FAM151B: variants seen among roughly 807,000 people sequenced by gnomAD.
FAM151B encodes protein FAM151B.
FAM151B carries 24 observed loss-of-function variants against 31.2 expected under a neutral mutation model. The observed-to-expected ratio is 0.77, with a 90% CI of 0.56 to 1.08. FAM151B has a LOEUF of 1.08. FAM151B is among the 50% of genes least tolerant of loss of function. The probability of loss-of-function intolerance (pLI) is 0.00; values close to 1 mark genes in which losing one functional copy is unlikely to be tolerated. For missense variants in FAM151B, 293 were observed against 328.6 expected (o/e 0.89, Z 0.84); for synonymous variants, 105 against 111.4 (o/e 0.94, Z 0.36).
intron 5 of FAM151B, among the ~76,000 whole-genome samples, chr5:80,532,751 C>G (rs1166749674): frequency 2.0e-5 from 3 of 152,142 alleles, no homozygotes; most frequent in Non-Finnish European, 4.4e-5. Context: ...TATATTAGAT[C>G]ACAAAACAAG....
intron 1 of FAM151B, among the ~76,000 whole-genome samples, chr5:80,496,799 ATTTTTTTTTTT>A (rs367658683): frequency 3.8e-4 from 22 of 57,736 alleles, no homozygotes; most frequent in African/African-American, 1.2e-3. Context: ...TTTTTGCTTA[ATTTTTTTTTTT>A]TTTTTTTTTT....
chr5:80,501,372 G>T (rs1580416347), intron 1 of FAM151B: 1 of 1,229,028 alleles, frequency 8.1e-7, no homozygotes, highest in East Asian at 3.1e-5. Context: ...GGGAGGACCA[G>T]ATCAACAGGC....
intron 5 of FAM151B, among the ~76,000 whole-genome samples, chr5:80,534,852 G>T (rs1745419610): frequency 6.6e-6 from 1 of 151,988 alleles, no homozygotes; most frequent in Non-Finnish European, 1.5e-5. Context: ...CTTATATTTG[G>T]AAAAACCTAA....
chr5:80,539,781 C>T (rs767966098), intron 5 of FAM151B, among the ~76,000 whole-genome samples: 2 of 150,430 alleles, frequency 1.3e-5, no homozygotes, highest in Non-Finnish European at 2.9e-5. Context: ...CATGAGCCAC[C>T]GTGCCCTGCC....
chr5:80,507,598 T>C (rs1235951878), intron 2 of FAM151B, among the ~76,000 whole-genome samples: 1 of 152,178 alleles, frequency 6.6e-6, no homozygotes, highest in African/African-American at 2.4e-5. Flanking sequence ...GGAGAATTGC[T>C]TGAACCCAGG....
In FAM151B at chr5:80,534,522, T is replaced by C. The variant is rs534497504; in HGVS notation, c.672-7151T>C. 4.6e-5 allele frequency among the ~76,000 whole-genome samples: 7 copies of C among 152,324 alleles called. No individual in the cohort carries two copies. The South Asian group carries it at 6.2e-4, about 14-fold the overall frequency. ...GACAAAAACCATATGATCATTTCAA[T>C]TGATGCTGAAAAAACATTGGGTAAA... On this transcript the variant is annotated intron_variant, in intron 5 of 5. Transcript: ENST00000282226.
At chr5:80,504,139 A>G (rs1437559683) in intron 2 of FAM151B, among the ~76,000 whole-genome samples, 2 of 152,130 alleles carry the variant, frequency 1.3e-5, no homozygotes, top group African/African-American at 4.8e-5. Context: ...TCTTGACTAT[A>G]TTTACTAACC....
intron 3 of FAM151B, 136 bp from the exon 4 acceptor site, chr5:80,519,557 A>G (rs960293985): frequency 2.8e-6 from 2 of 710,318 alleles, no homozygotes; most frequent in Non-Finnish European, 4.6e-6. Flanking sequence ...GTGCTATGCG[A>G]TCTTTGATTT....
intron 2 of FAM151B, among the ~76,000 whole-genome samples, chr5:80,511,501 C>T (rs74734473): frequency 0.017 from 2,535 of 150,958 alleles, 74 homozygotes; most frequent in African/African-American, 0.057. Flanking sequence ...GCAGGTTGGC[C>T]ACCTCTTATG....
chr5:80,531,379 G>A (rs1319599464), intron 5 of FAM151B, among the ~76,000 whole-genome samples: 1 of 152,182 alleles, frequency 6.6e-6, no homozygotes, highest in South Asian at 2.1e-4. Flanking sequence ...AGCCAAAGTT[G>A]ACAAATGAGA....
At chr5:80,533,768 A>AAAAAG (rs1745358748) in intron 5 of FAM151B, among the ~76,000 whole-genome samples, 1 of 149,568 alleles carries the variant, frequency 6.7e-6, no homozygotes, top group Non-Finnish European at 1.5e-5. Context: ...AAAAAAAAAA[A>AAAAAG]GAGCAGAAAT....
intron 5 of FAM151B, among the ~76,000 whole-genome samples, chr5:80,538,684 CT>C (rs1745717913): frequency 6.6e-6 from 1 of 151,204 alleles, no homozygotes; most frequent in Non-Finnish European, 1.5e-5. Flanking sequence ...GCAACCTCTG[CT>C]TCCTAGGTTC....
intron 5 of FAM151B, among the ~76,000 whole-genome samples, chr5:80,537,442 G>A (rs559152685): frequency 1.2e-3 from 182 of 152,276 alleles, no homozygotes; most frequent in Non-Finnish European, 1.4e-3. Flanking sequence ...TCTTCAATGC[G>A]TCTATTCTCA....
At chr5:80,491,197 A>G (rs1743319377) in intron 1 of FAM151B, among the ~76,000 whole-genome samples, 1 of 82,226 alleles carries the variant, frequency 1.2e-5, no homozygotes, top group Non-Finnish European at 2.5e-5. Context: ...AAAATATATA[A>G]TACACTATTA....
chr5:80,535,466 A>G (rs952685935), intron 5 of FAM151B, among the ~76,000 whole-genome samples: 1 of 152,208 alleles, frequency 6.6e-6, no homozygotes, highest in African/African-American at 2.4e-5. Context: ...GTGTTTTCAC[A>G]AAGCTGCCAG....
At chr5:80,504,779 A>C (rs1339783273) in intron 2 of FAM151B, among the ~76,000 whole-genome samples, 5 of 152,084 alleles carry the variant, frequency 3.3e-5, no homozygotes, top group African/African-American at 4.8e-5. Flanking sequence ...TGGCCTCCCA[A>C]AGTGCTGGGA....
intron 1 of FAM151B, among the ~76,000 whole-genome samples, chr5:80,494,456 TTTTCTTTC>T (rs3043120): frequency 0.033 from 2,753 of 82,188 alleles, 106 homozygotes; most frequent in African/African-American, 0.082. Context: ...TCTTTCTTTC[TTTTCTTTC>T]TTTCTTTCTT....
At chr5:80,530,451 T>C (rs1409117125) in intron 5 of FAM151B, among the ~76,000 whole-genome samples, 1 of 152,220 alleles carries the variant, frequency 6.6e-6, no homozygotes, top group Admixed American at 6.5e-5. Flanking sequence ...AAATTGTCCC[T>C]GTTTGCAGAT....
chr5:80,526,880 A>T (rs1478216376), intron 5 of FAM151B, among the ~76,000 whole-genome samples: 1 of 152,132 alleles, frequency 6.6e-6, no homozygotes, highest in Non-Finnish European at 1.5e-5. Flanking sequence ...TTGAACAGCT[A>T]GTGGTAAAGG....
Sources: gnomAD v4.1 joint callset for allele counts (sites outside exome capture counted in the v4.1 genomes callset) on GRCh38, gnomAD v4.1.1 for gene constraint, MANE v1.5 for transcripts, NCBI Gene and HGNC (gene_info 2026-07-23, HGNC 2026-07-21) for gene names.